Variants in SRC observed in about 807,000 individuals in gnomAD.
SRC encodes proto-oncogene tyrosine-protein kinase Src.
SRC carries 13 observed loss-of-function variants against 62.9 expected under a neutral mutation model. That is an observed-to-expected ratio of 0.21 (90% confidence interval 0.13 to 0.33). The LOEUF (loss-of-function observed/expected upper bound fraction) is 0.33, where lower values mean the gene tolerates loss of function less well. Among genes scored for constraint, SRC ranks in the 10% least tolerant of loss-of-function variants. SRC has a pLI of 1.00. For missense variants in SRC, 457 were observed against 737.3 expected, an observed-to-expected ratio of 0.62 and a Z score of 4.40; for synonymous variants, 302 against 317.5, an observed-to-expected ratio of 0.95 and a Z score of 0.52.
chr20:37,360,380 C>T (rs2069951474), intron 1 of SRC, among the ~76,000 whole-genome samples: 2 of 151,994 alleles, frequency 1.3e-5, no homozygotes, highest in South Asian at 4.2e-4. Flanking sequence ...CATACCACCC[C>T]ACCTGGCTAG....
At chr20:37,363,116 C>A (rs1013829088) in intron 1 of SRC, among the ~76,000 whole-genome samples, 2 of 152,216 alleles carry the variant, frequency 1.3e-5, no homozygotes, top group Admixed American at 6.5e-5. Context: ...CTCCTCTTGC[C>A]CCTCTGGCCC....
At position 37,402,807 on chromosome 20, in the gene SRC, C is replaced by T. The variant is rs1363663883; in HGVS notation, c.1329C>T (p.Thr443=). ...APEAALYGRF[T]IKSDVWSFGI... ...AAGCTGCCCTCTATGGCCGCTTCAC[C>T]ATCAAGTCGGACGTGTGGTCCTTCG... is the stretch of plus-strand genomic sequence containing the variant. Residue 443 remains threonine, a synonymous_variant, in exon 13 of 14, where the codon ACC becomes ACT. Coordinates refer to ENST00000373578, the MANE Select transcript of SRC (RefSeq NM_198291.3). This position sits in a 1 kb window ranked among gnomAD's most constrained non-coding sequence, Gnocchi z 6.2. The T allele has an allele frequency of 3.1e-6, 5 of 1,614,110 alleles. No individual in the cohort carries two copies. The Middle Eastern group carries it at 4.9e-4, about 160-fold the overall frequency.
In SRC at chr20:37,397,992, G is replaced by A. The variant is rs990764983; in HGVS notation, c.859+138G>A. On this transcript the variant is annotated intron_variant, in intron 9 of 13. Coordinates refer to ENST00000373578, the MANE Select transcript of SRC (RefSeq NM_198291.3). The surrounding 1 kb of genome is among the most constrained non-coding windows in gnomAD (Gnocchi z 4.1). The stretch of plus-strand genomic sequence containing the variant: ...TGTTGTAAATCTGGAGCTCCCCAGC[G>A]GTGGCTGGCACCGAGTTGGGTTGTG... 24 of 1,178,728 alleles carry A rather than the reference G, an allele frequency of 2.0e-5. No homozygotes were observed. Among genetic ancestry groups the A allele is most frequent in the Non-Finnish European group, 2.0e-5 (17 of 860,034 alleles). 73.0% of individuals were successfully genotyped at this position (1,178,728 alleles called of 1,614,324 possible).
chr20:37,362,545 C>T (rs758802009), intron 1 of SRC, among the ~76,000 whole-genome samples: 29 of 152,278 alleles, frequency 1.9e-4, no homozygotes, highest in Non-Finnish European at 3.2e-4. Context: ...CAGGGCAGGC[C>T]TTGGTCTTGC....
chr20:37,363,173 C>A (rs2070003049), intron 1 of SRC, among the ~76,000 whole-genome samples: 1 of 152,182 alleles, frequency 6.6e-6, no homozygotes, highest in South Asian at 2.1e-4. Flanking sequence ...GTGGGAAGGG[C>A]CACTGTTCTC....
chr20:37,396,327 AGGGCGGAGGGC>A lies in SRC; in HGVS notation c.703+23_703+33del. 4 of 1,600,760 alleles carry A rather than the reference AGGGCGGAGGGC, an allele frequency of 2.5e-6. No homozygotes were observed. The East Asian group carries it at 9.1e-5, about 36-fold the overall frequency. ...TACTACTCCAGTGAGCCAGCCTCGGAGGGCGGAGGGCGGGCGGGCAAAGCCTCAGCTGCAGA... is the reference window on the plus strand; with the variant it reads ...TACTACTCCAGTGAGCCAGCCTCGGAGGGCGGGCAAAGCCTCAGCTGCAGA... On this transcript the variant is annotated intron_variant, in intron 8 of 13. Transcript: ENST00000373578. The surrounding 1 kb of genome is among the most constrained non-coding windows in gnomAD (Gnocchi z 6.1).
At chr20:37,362,909 G>A (rs1032904092) in intron 1 of SRC, among the ~76,000 whole-genome samples, 2 of 152,182 alleles carry the variant, frequency 1.3e-5, no homozygotes, top group Non-Finnish European at 2.9e-5. Context: ...CCATTTTGCC[G>A]CTGAGGAAAC....
chr20:37,392,631 G>T (rs1311567684), intron 5 of SRC, among the ~76,000 whole-genome samples: 2 of 152,182 alleles, frequency 1.3e-5, no homozygotes, highest in South Asian at 4.1e-4. Flanking sequence ...GGAGTCAGGA[G>T]CCTGGGCCTG....
intron 1 of SRC, among the ~76,000 whole-genome samples, chr20:37,349,043 T>C (rs2069762905): frequency 1.3e-5 from 2 of 152,082 alleles, no homozygotes; most frequent in Non-Finnish European, 2.9e-5. Context: ...TGCTGGGGCC[T>C]TGTGGGCCCT....
At position 37,400,357 on chromosome 20, in the gene SRC, C is replaced by G. The variant is rs2070719767; in HGVS notation, c.1039+63C>G. 4.3e-6 allele frequency: 6 copies of G among 1,392,740 alleles called. 1 individual carries two copies. Among genetic ancestry groups the G allele is most frequent in the Non-Finnish European group, 1.9e-6 (2 of 1,033,504 alleles). The allele number at this position is 1,392,740 out of a possible 1,614,324, so 86.3% of individuals were successfully genotyped here. On this transcript the variant is annotated intron_variant, in intron 10 of 13. Coordinates refer to ENST00000373578, the MANE Select transcript of SRC (RefSeq NM_198291.3). ...TCCGGACAGGGCAGGGAGCATGAGC[C>G]TCATTTCCTCTCATGTCTAGAATGG...
In SRC at chr20:37,405,682, T is replaced by C. The variant is rs113665688; in HGVS notation, c.*2303T>C. The C allele has an allele frequency of 4.2e-3, 663 of 156,966 alleles. 4 individuals are homozygous for C. Among genetic ancestry groups the C allele is most frequent in the African/African-American group, 0.015 (640 of 41,666 alleles). The allele number at this position is 156,966 out of a possible 1,614,324, so 9.7% of individuals were successfully genotyped here. On this transcript the variant is annotated 3_prime_UTR_variant, in exon 14 of 14. Transcript: ENST00000373578. ...TCCCTGAGCATGACAAGTTCAGGAC[T>C]CAAATGTCCGTGGTGGATGGTAGCA... is the stretch of plus-strand genomic sequence containing the variant.
intron 10 of SRC, 131 bp downstream of exon 10, chr20:37,400,425 G>C: frequency 1.2e-6 from 1 of 802,382 alleles, no homozygotes; most frequent in Non-Finnish European, 1.8e-6. Context: ...ATTCTCTGTT[G>C]CCTGGGCCGG....
chr20:37,347,182 C>G (rs2069734677), intron 1 of SRC, among the ~76,000 whole-genome samples: 1 of 152,244 alleles, frequency 6.6e-6, no homozygotes, highest in African/African-American at 2.4e-5. Context: ...GGCAAGACCT[C>G]CTGAACTTCA....
chr20:37,354,516 C>T (rs919896518), intron 1 of SRC, among the ~76,000 whole-genome samples: 16 of 152,158 alleles, frequency 1.1e-4, no homozygotes, highest in African/African-American at 2.4e-4. Flanking sequence ...CTGTGCATGT[C>T]GTTGGGGAGA....
At chr20:37,368,529 T>TTTTTGTTTTTTTTTGTTTTTTTTTTTTTG in intron 2 of SRC, among the ~76,000 whole-genome samples, 1 of 122,922 alleles carries the variant, frequency 8.1e-6, no homozygotes, top group African/African-American at 3.7e-5. Context: ...TTTTTTTTTT[T>TTTTTGTTTTTTTTTGTTTTTTTTTTTTTG]TTTTTTTTTT....
At chr20:37,368,921 T>C (rs904310359) in intron 2 of SRC, among the ~76,000 whole-genome samples, 4 of 152,248 alleles carry the variant, frequency 2.6e-5, no homozygotes, top group Non-Finnish European at 2.9e-5. Context: ...CAATTTGTGT[T>C]GATTTTTATG....
In SRC at chr20:37,403,455, C is replaced by G; in HGVS notation, c.*76C>G. On this transcript the variant is annotated 3_prime_UTR_variant, in exon 14 of 14. Coordinates refer to ENST00000373578, the MANE Select transcript of SRC (RefSeq NM_198291.3). This position sits in a 1 kb window ranked among gnomAD's most constrained non-coding sequence, Gnocchi z 7.1. ...CCCCTGTCTCGGGGCTTGCCCCACTCTGCCTGCCTGCTGTTGGTCCTCTCT... is the reference window on the plus strand; with the variant it reads ...CCCCTGTCTCGGGGCTTGCCCCACTGTGCCTGCCTGCTGTTGGTCCTCTCT... 7.0e-7 allele frequency: 1 copy of G among 1,421,480 alleles called. No individual in the cohort carries two copies. The highest frequency in any genetic ancestry group is 9.5e-7 in the Non-Finnish European group (1 of 1,057,230). The allele number at this position is 1,421,480 out of a possible 1,614,324, so 88.1% of individuals were successfully genotyped here. A position where few individuals can be genotyped will look rare whatever the true frequency, so the allele number is the denominator to read the frequency against.
intron 2 of SRC, among the ~76,000 whole-genome samples, chr20:37,370,105 G>A (rs538805825): frequency 6.6e-4 from 100 of 152,288 alleles, no homozygotes; most frequent in African/African-American, 2.3e-3. Flanking sequence ...CGGCCTAGCC[G>A]TGAGGTTTTC....
intron 1 of SRC, among the ~76,000 whole-genome samples, 176 bp downstream of exon 1, chr20:37,346,431 G>A (rs2069722089): frequency 6.7e-6 from 1 of 150,306 alleles, no homozygotes; most frequent in African/African-American, 2.4e-5. Flanking sequence ...GGCGCACGGG[G>A]CCATGCCCGG....
Sources: gnomAD v4.1 joint callset for allele counts (sites outside exome capture counted in the v4.1 genomes callset) on GRCh38, gnomAD v4.1.1 for gene constraint, Gnocchi (gnomAD v3.1) non-coding constraint, MANE v1.5 for transcripts, NCBI Gene and HGNC (gene_info 2026-07-23, HGNC 2026-07-21) for gene names.